The following LRRC18 variants were observed in gnomAD, a reference collection of about 807,000 sequenced individuals.
The protein encoded by LRRC18 is leucine rich repeat containing 18.
Under a neutral mutation model 11.2 loss-of-function variants are expected in LRRC18, and 12 were observed. The observed-to-expected ratio is 1.07, with a 90% CI of 0.69 to 1.74. The LOEUF (loss-of-function observed/expected upper bound fraction) is 1.74, where lower values mean the gene tolerates loss of function less well. Ranked by LOEUF, LRRC18 falls within the 40% of genes most tolerant of loss-of-function variation. The pLI is 0.00. For synonymous variants in LRRC18, 155 were observed against 130.6 expected, an observed-to-expected ratio of 1.19 and a Z score of -1.27; for missense variants, 374 against 330.5, an observed-to-expected ratio of 1.13 and a Z score of -1.02.
At chr10:48,931,687 G>C in the LRRC18 span, among the ~76,000 whole-genome samples, 1 of 152,206 alleles carries the variant, frequency 6.6e-6, no homozygotes, top group South Asian at 2.1e-4. Context: ...TTGTCTTTCA[G>C]AAAATGCTGC....
chr10:48,915,604 T>C (rs550850543), upstream of LRRC18, among the ~76,000 whole-genome samples: 7 of 152,292 alleles, frequency 4.6e-5, no homozygotes, highest in Non-Finnish European at 1.0e-4. Context: ...GCAATCAGGC[T>C]GTGTGGGAAT....
rs765222001 is a variant in LRRC18, at chr10:48,913,391, C to A, written c.764+1G>T. The A allele has an allele frequency of 1.2e-6, 2 of 1,609,550 alleles. No individual in the cohort carries two copies. The highest frequency in any genetic ancestry group is 1.7e-6 in the Non-Finnish European group (2 of 1,178,862). On this transcript the variant is annotated splice_donor_variant, in intron 1 of 1. Transcript: ENST00000374160. LOFTEE classifies it high-confidence loss of function. ...TGCCTCAGGGTCAGGTTCCAAGTCA[C>A]CTCCAGTCTTCCCAGGAGTCCTTGG...
the LRRC18 span, among the ~76,000 whole-genome samples, chr10:48,933,416 G>A: frequency 2.0e-3 from 309 of 152,326 alleles, 1 homozygote; most frequent in African/African-American, 7.1e-3. Context: ...GGACTTAGCT[G>A]CCATCTGGCT....
At chr10:48,931,095 A>G in the LRRC18 span, among the ~76,000 whole-genome samples, 1 of 31,042 alleles carries the variant, frequency 3.2e-5, no homozygotes, top group Non-Finnish European at 9.1e-5. Context: ...ACTCACACTC[A>G]AACACACACA....
exon 1 of LRRC18, chr10:48,913,840 TGTTGCTGAC>T: frequency 1.9e-6 from 3 of 1,614,142 alleles, no homozygotes; most frequent in Non-Finnish European, 1.7e-6. Context: ...GTCAGCCGGT[TGTTGCTGAC>T]GTTGAGGTAG....
chr10:48,929,348 C>T, the LRRC18 span, among the ~76,000 whole-genome samples: 1 of 152,174 alleles, frequency 6.6e-6, no homozygotes, highest in African/African-American at 2.4e-5. Flanking sequence ...CATGGGGTTG[C>T]ACTGGGCTGG....
At chr10:48,932,660 G>GC in the LRRC18 span, 1 of 151,650 alleles carries the variant, frequency 6.6e-6, no homozygotes, top group Middle Eastern at 3.2e-3. Context: ...AAAAAAAAGA[G>GC]GGAGAGAGAG....
intron 1 of LRRC18, 100 bp from the exon 4 acceptor site, chr10:48,910,358 A>C: frequency 2.9e-6 from 3 of 1,033,308 alleles, no homozygotes; most frequent in Non-Finnish European, 4.6e-6. Context: ...GTCATGCCTG[A>C]CCTTCAGGAT....
At chr10:48,934,224 A>G in the LRRC18 span, among the ~76,000 whole-genome samples, 23 of 152,208 alleles carry the variant, frequency 1.5e-4, no homozygotes, top group Non-Finnish European at 2.9e-5. Flanking sequence ...TGATAAATGT[A>G]TGGAGAATTT....
the LRRC18 span, among the ~76,000 whole-genome samples, chr10:48,938,872 G>A: frequency 6.6e-6 from 1 of 152,170 alleles, no homozygotes; most frequent in Non-Finnish European, 1.5e-5. Context: ...ACCTGTCCTG[G>A]GTGGGAAGGG....
the LRRC18 span, among the ~76,000 whole-genome samples, chr10:48,924,809 C>T: frequency 6.6e-6 from 1 of 152,208 alleles, no homozygotes; most frequent in South Asian, 2.1e-4. Flanking sequence ...AGTTGTAAGA[C>T]CCTTGTCAAT....
At chr10:48,937,050 C>T in the LRRC18 span, among the ~76,000 whole-genome samples, 5 of 151,814 alleles carry the variant, frequency 3.3e-5, no homozygotes, top group East Asian at 4.0e-4. Context: ...CCCACCACCA[C>T]GCCTGGCTAA....
At chr10:48,921,606 GAA>G in the LRRC18 span, among the ~76,000 whole-genome samples, 52,276 of 151,384 alleles carry the variant, frequency 0.35, 9,241 homozygotes, top group African/African-American at 0.41. Context: ...AAGCTCTGTG[GAA>G]AAAAAAAACG....
the LRRC18 span, among the ~76,000 whole-genome samples, chr10:48,937,534 C>A: frequency 1.3e-5 from 2 of 152,312 alleles, no homozygotes; most frequent in Non-Finnish European, 2.9e-5. Flanking sequence ...CCTTGCCCCA[C>A]ACCTCCATAT....
At chr10:48,919,356 T>C in the LRRC18 span, among the ~76,000 whole-genome samples, 2 of 152,104 alleles carry the variant, frequency 1.3e-5, no homozygotes, top group Non-Finnish European at 2.9e-5. Context: ...AAAACCCAAA[T>C]AGACCTGTAT....
the LRRC18 span, chr10:48,932,699 T>G: frequency 6.7e-6 from 1 of 149,268 alleles, no homozygotes; most frequent in East Asian, 2.0e-4. Context: ...AGCATTTCAG[T>G]TGGTGTAAAT....
At chr10:48,909,532 A>G (rs1210458591) in exon 2 of LRRC18, 1 of 152,214 alleles carries the variant, frequency 6.6e-6, no homozygotes, top group African/African-American at 2.4e-5. Context: ...CAAGCTGTAC[A>G]GGTGCCGGCA....
At chr10:48,929,564 C>G in the LRRC18 span, among the ~76,000 whole-genome samples, 1 of 152,218 alleles carries the variant, frequency 6.6e-6, no homozygotes, top group African/African-American at 2.4e-5. Context: ...ACTTATTGTG[C>G]TGGTCTACAC....
the LRRC18 span, among the ~76,000 whole-genome samples, chr10:48,919,242 C>T: frequency 6.6e-6 from 1 of 151,596 alleles, no homozygotes; most frequent in East Asian, 1.9e-4. Context: ...TACTAAATCC[C>T]ACAGGCATTA....
Sources: gnomAD v4.1 joint callset for allele counts (sites outside exome capture counted in the v4.1 genomes callset) on GRCh38, gnomAD v4.1.1 for gene constraint, MANE v1.5 for transcripts, NCBI Gene and HGNC (gene_info 2026-07-23, HGNC 2026-07-21) for gene names.